The following VAC14 variants were observed in gnomAD, a reference collection of about 807,000 sequenced individuals.
VAC14 encodes VAC14 component of PIKFYVE complex.
Under a neutral mutation model 85.3 loss-of-function variants are expected in VAC14, and 47 were observed. The observed-to-expected ratio is 0.55, with a 90% CI of 0.44 to 0.70. VAC14 has a LOEUF of 0.70. Ranked by LOEUF, VAC14 falls within the 30% of genes least tolerant of loss-of-function variation. The probability of loss-of-function intolerance (pLI) is 0.00; values close to 1 mark genes in which losing one functional copy is unlikely to be tolerated. For missense variants in VAC14, 861 were observed against 1,004.3 expected (o/e 0.86, Z 1.93); for synonymous variants, 447 against 430.5 (o/e 1.04, Z -0.47).
chr16:70,780,693 T>C, intron 9 of VAC14, 97 bp downstream of exon 9: 1 of 1,434,768 alleles, frequency 7.0e-7, no homozygotes, highest in South Asian at 1.4e-5. Flanking sequence ...CATAAAGTAG[T>C]CCTGGTTGCT....
In VAC14 at chr16:70,692,917, A is replaced by G; in HGVS notation, c.2090T>C (p.Leu697Pro). Residue 697 changes from leucine (L) to proline (P), a missense_variant, in exon 18 of 19, where the codon CTC becomes CCC. Leu to Pro is a moderately conservative substitution (Grantham distance 98, BLOSUM62 -3). Transcript: ENST00000261776. ...VKNNPYLIKALYGLLMLLPQS... is the reference protein window; with the variant it reads ...VKNNPYLIKAPYGLLMLLPQS... Reference sequence around the variant, plus strand: ...CGGCAGGAGCATGAGCAGGCCGTAGAGGGCCTTGATCAGGTAGGGGTTGTT... The same window carrying G: ...CGGCAGGAGCATGAGCAGGCCGTAGGGGGCCTTGATCAGGTAGGGGTTGTT... The G allele has an allele frequency of 6.2e-7, 1 of 1,610,780 alleles. No individual in the cohort carries two copies. Among genetic ancestry groups the G allele is most frequent in the Non-Finnish European group, 8.5e-7 (1 of 1,179,246 alleles).
intron 13 of VAC14, among the ~76,000 whole-genome samples, chr16:70,737,745 C>T (rs533817499): frequency 3.9e-5 from 6 of 152,276 alleles, no homozygotes; most frequent in Admixed American, 6.5e-5. Context: ...CAACCTGCCC[C>T]GGGATGTTTT....
intron 18 of VAC14, chr16:70,691,832 G>A (rs1193026523): frequency 1.0e-6 from 1 of 985,290 alleles, no homozygotes; most frequent in East Asian, 1.1e-4. Context: ...CCAGCGGTGT[G>A]GAGGGCACAG....
chr16:70,759,963 G>A (rs1359789251), intron 12 of VAC14, among the ~76,000 whole-genome samples: 4 of 152,156 alleles, frequency 2.6e-5, no homozygotes, highest in Non-Finnish European at 5.9e-5. Context: ...TTTTAGAAAT[G>A]CAAAATGGAA....
intron 17 of VAC14, among the ~76,000 whole-genome samples, chr16:70,694,946 T>A (rs1325906891): frequency 6.6e-6 from 1 of 152,166 alleles, no homozygotes; most frequent in Non-Finnish European, 1.5e-5. Flanking sequence ...GAGGGGTGGC[T>A]GGGGACAGCC....
rs1567559385 is a variant in VAC14 at position 70,744,408 on chromosome 16, CAGG to C, written c.1528+12_1528+14del. ...CTAAGGCCCCTGAGGCTAGAACCTT[CAGG>C]AGAAGACTTACCAGAGGTGTTCAGT... On this transcript the variant is annotated intron_variant, in intron 13 of 18. Coordinates refer to ENST00000261776, the MANE Select transcript of VAC14 (RefSeq NM_018052.5). The C allele has an allele frequency of 3.1e-6, 5 of 1,613,892 alleles. No homozygotes were observed. The highest frequency in any genetic ancestry group is 4.2e-6 in the Non-Finnish European group (5 of 1,179,972).
intron 12 of VAC14, chr16:70,747,910 G>C (rs2031049065): frequency 6.6e-6 from 1 of 151,220 alleles, no homozygotes; most frequent in Non-Finnish European, 1.5e-5. Context: ...TGTCAGAACA[G>C]AGGCCTGGAA....
At chr16:70,689,935 T>G in intron 18 of VAC14, 1 of 985,492 alleles carries the variant, frequency 1.0e-6, no homozygotes, top group Non-Finnish European at 1.2e-6. Flanking sequence ...CAGACGCTCC[T>G]CTAACCCACT....
At chr16:70,731,808 A>C (rs1309009185) in intron 13 of VAC14, among the ~76,000 whole-genome samples, 181 bp from the exon 14 acceptor site, 1 of 152,188 alleles carries the variant, frequency 6.6e-6, no homozygotes, top group Non-Finnish European at 1.5e-5. Context: ...GCAAGTCTGC[A>C]CAAGCAAATA....
At chr16:70,790,682 C>T (rs962007526) in intron 1 of VAC14, among the ~76,000 whole-genome samples, 1 of 152,160 alleles carries the variant, frequency 6.6e-6, no homozygotes, top group Non-Finnish European at 1.5e-5. Context: ...ACCCCCTCAC[C>T]TTTGCAAAGA....
Position 70,729,300 on chromosome 16 carries a change from G to T in VAC14, c.1661+2195C>A, listed in dbSNP as rs1415005641. On this transcript the variant is annotated intron_variant, in intron 14 of 18. Transcript: ENST00000261776. Reference sequence around the variant, plus strand: ...TAGAAGAGCCCAGAGAAGCAAGAGGGTGGTGACAGCCTCCCCACTATCACA... The same window carrying T: ...TAGAAGAGCCCAGAGAAGCAAGAGGTTGGTGACAGCCTCCCCACTATCACA... 2.0e-5 allele frequency among the ~76,000 whole-genome samples: 3 copies of T among 152,336 alleles called. No homozygotes were observed. In the East Asian group the frequency reaches 5.8e-4, roughly 29 times the overall value.
At chr16:70,715,050 T>C (rs1392917742) in intron 14 of VAC14, 2 of 152,226 alleles carry the variant, frequency 1.3e-5, no homozygotes, top group Non-Finnish European at 2.9e-5. Context: ...CACACAGCGG[T>C]AGGAGGTTTT....
At chr16:70,738,147 C>T (rs1376027526) in intron 13 of VAC14, among the ~76,000 whole-genome samples, 1 of 152,116 alleles carries the variant, frequency 6.6e-6, no homozygotes, top group African/African-American at 2.4e-5. Flanking sequence ...TGGTATGGAA[C>T]CAAGAGGACA....
At chr16:70,713,197 G>A (rs1364853051) in intron 14 of VAC14, among the ~76,000 whole-genome samples, 4 of 152,142 alleles carry the variant, frequency 2.6e-5, no homozygotes, top group African/African-American at 9.7e-5. Context: ...CCTACTACAG[G>A]GGGAGGCTTT....
In VAC14 at chr16:70,784,223, G is replaced by T; in HGVS notation, c.487-3C>A. 1 of 1,613,360 alleles carries T rather than the reference G, an allele frequency of 6.2e-7. No homozygotes were observed. On this transcript the variant is annotated splice_region_variant and splice_polypyrimidine_tract_variant and intron_variant, in intron 4 of 18. Coordinates refer to ENST00000261776, the MANE Select transcript of VAC14 (RefSeq NM_018052.5). ...TTGTTGCTCTCAGTCACAATGTCCTGTGGATCAGAGGAAAGTGAGCTGCCG... is the reference window on the plus strand; with the variant it reads ...TTGTTGCTCTCAGTCACAATGTCCTTTGGATCAGAGGAAAGTGAGCTGCCG...
chr16:70,737,961 T>C (rs1221005585), intron 13 of VAC14, among the ~76,000 whole-genome samples: 4 of 152,176 alleles, frequency 2.6e-5, no homozygotes, highest in South Asian at 2.1e-4. Context: ...CAGCCCGTTG[T>C]GGGCTCAAGA....
At position 70,785,640 on chromosome 16, in the gene VAC14, A is replaced by G. The variant is rs2034012977; in HGVS notation, c.423+62T>C. ...TGGGAAAAGGGGTCCAAGGTTCCAG[A>G]AGGTCAAGTGAGGTGGGGGAACCAA... On this transcript the variant is annotated intron_variant, in intron 3 of 18. Transcript: ENST00000261776. The G allele has an allele frequency of 2.0e-6, 3 of 1,489,012 alleles. No individual in the cohort carries two copies. In the Admixed American group the frequency reaches 6.6e-5, roughly 33 times the overall value. The allele number at this position is 1,489,012 out of a possible 1,614,324, so 92.2% of individuals were successfully genotyped here.
chr16:70,786,024 A>G, intron 2 of VAC14, 155 bp from the exon 3 acceptor site: 1 of 1,326,912 alleles, frequency 7.5e-7, no homozygotes, highest in Non-Finnish European at 1.0e-6. Context: ...CATTCCCAGG[A>G]GAGGGCCCAT....
intron 12 of VAC14, among the ~76,000 whole-genome samples, chr16:70,760,602 A>G (rs1163880349): frequency 6.6e-6 from 1 of 152,136 alleles, no homozygotes; most frequent in Non-Finnish European, 1.5e-5. Flanking sequence ...CAGGCCCACA[A>G]GACGTGCCCC....
Sources: allele counts gnomAD v4.1 joint callset (sites outside exome capture counted in the v4.1 genomes callset), GRCh38; gene constraint gnomAD v4.1.1; transcripts MANE v1.5; gene names NCBI Gene and HGNC (gene_info 2026-07-23, HGNC 2026-07-21).